Variants in DPYSL2 observed in about 807,000 individuals in gnomAD.
DPYSL2 encodes the protein dihydropyrimidinase like 2, also known as dihydropyrimidinase-related protein 2.
In DPYSL2, 13 loss-of-function variants were observed where a neutral mutation model predicts 69.9. The observed-to-expected ratio is 0.19, with a 90% confidence interval of 0.12 to 0.30. The LOEUF (loss-of-function observed/expected upper bound fraction) is 0.30. Ranked by LOEUF, DPYSL2 falls within the 10% of genes least tolerant of loss-of-function variation. The pLI is 1.00. For synonymous variants in DPYSL2, 326 were observed against 359.1 expected (o/e 0.91, Z 1.04); for missense variants, 587 against 918.9 (o/e 0.64, Z 4.67).
rs991969776 is a variant in DPYSL2, at chr8:26,582,217, T to C, written c.443+160T>C. On this transcript the variant is annotated intron_variant, in intron 2 of 13. Transcript: ENST00000521913. The surrounding 1 kb of genome is among the most constrained non-coding windows in gnomAD (Gnocchi z 4.1). Reference sequence around the variant, plus strand: ...GTTTTGATTGGTGGTAATTAGTGAATTTGAAAACTCAAATTTAGGGAATTC... The same window carrying C: ...GTTTTGATTGGTGGTAATTAGTGAACTTGAAAACTCAAATTTAGGGAATTC... Among the ~76,000 whole-genome samples, 3 of 152,244 alleles carry C rather than the reference T, an allele frequency of 2.0e-5. No homozygotes were observed. The highest frequency in any genetic ancestry group is 4.4e-5 in the Non-Finnish European group (3 of 68,052).
At chr8:26,600,090 T>C (rs768247475) in intron 3 of DPYSL2, among the ~76,000 whole-genome samples, 2 of 152,264 alleles carry the variant, frequency 1.3e-5, no homozygotes, top group Non-Finnish European at 2.9e-5. Flanking sequence ...TATGTATCAA[T>C]ACTTCATGAC....
At chr8:26,592,889 C>T (rs1275737831) in intron 3 of DPYSL2, among the ~76,000 whole-genome samples, 1 of 151,482 alleles carries the variant, frequency 6.6e-6, no homozygotes, top group African/African-American at 2.4e-5. Flanking sequence ...CTGTTTCTCC[C>T]TTTTTTTTTC....
chr8:26,514,578 C>A lies in DPYSL2; in HGVS notation c.253C>A (p.Gln85Lys), dbSNP rs1458254676. Residue 85 changes from glutamine (Q) to lysine (K), a missense_variant, in exon 1 of 14, where the codon CAG (glutamine) becomes AAG (lysine). Coordinates refer to ENST00000521913, the MANE Select transcript of DPYSL2 (RefSeq NM_001197293.3). This position sits in a 1 kb window ranked among gnomAD's most constrained non-coding sequence, Gnocchi z 8.4. ...GGACCCGCAGCCGCCGTACTCGCGGCAGGGCCGGCGCGCCGGCGGAGAGCC... is the reference window on the plus strand; with the variant it reads ...GGACCCGCAGCCGCCGTACTCGCGGAAGGGCCGGCGCGCCGGCGGAGAGCC... ...GPDPQPPYSR[Q>K]GRRAGGEPSV... The A allele has an allele frequency of 1.3e-6, 2 of 1,522,600 alleles. No homozygotes were observed. Among genetic ancestry groups the A allele is most frequent in the Admixed American group, 4.1e-5 (2 of 49,296 alleles). The allele number at this position is 1,522,600 out of a possible 1,614,324, so 94.3% of individuals were successfully genotyped here.
chr8:26,651,694 G>GATAGCTAC (rs1276103770), intron 11 of DPYSL2, among the ~76,000 whole-genome samples: 2 of 152,188 alleles, frequency 1.3e-5, no homozygotes, highest in Non-Finnish European at 2.9e-5. Context: ...AAACCAGAAG[G>GATAGCTAC]ATAGCTACAT....
chr8:26,599,209 C>T (rs1801936905), intron 3 of DPYSL2, among the ~76,000 whole-genome samples: 2 of 152,218 alleles, frequency 1.3e-5, no homozygotes, highest in South Asian at 4.1e-4. Flanking sequence ...GGCATTTGAA[C>T]TGTTTTGTCT....
In DPYSL2 at chr8:26,657,831, G is replaced by T. The variant is rs1406575051; in HGVS notation, c.*2125G>T. On this transcript the variant is annotated 3_prime_UTR_variant, in exon 14 of 14. Coordinates refer to ENST00000521913, the MANE Select transcript of DPYSL2 (RefSeq NM_001197293.3). ...GCTGTGTAAGCATGTTTACCTGTTG[G>T]CTTGCTTTGTGTGTCTGTTAAATGA... The T allele has an allele frequency of 6.6e-6, 1 of 152,546 alleles. No individual in the cohort carries two copies. Among genetic ancestry groups the T allele is most frequent in the Non-Finnish European group, 1.5e-5 (1 of 68,036 alleles). 9.4% of individuals were successfully genotyped at this position (152,546 alleles called of 1,614,324 possible).
rs1801405572 is a variant in DPYSL2, at chr8:26,578,246, A to G, written c.355-3723A>G. ...GCCCTCTTGAAATTAATTTTTTCCC[A>G]GGAGAGAGATGTCTTATCAGGGGAA... On this transcript the variant is annotated intron_variant, in intron 1 of 13. Transcript: ENST00000521913. 4 of 1,614,042 alleles carry G rather than the reference A, an allele frequency of 2.5e-6. No individual in the cohort carries two copies. The East Asian group carries it at 8.9e-5, about 36-fold the overall frequency.
chr8:26,631,549 C>T (rs549062240), intron 7 of DPYSL2, among the ~76,000 whole-genome samples: 1 of 152,318 alleles, frequency 6.6e-6, no homozygotes, highest in East Asian at 1.9e-4. Context: ...ATTGCTATTT[C>T]AACCAGAGAA....
At chr8:26,602,138 A>T (rs866668364) in intron 3 of DPYSL2, among the ~76,000 whole-genome samples, 1,828 of 135,310 alleles carry the variant, frequency 0.014, 42 homozygotes, top group South Asian at 0.061. Context: ...AACAAAGGAA[A>T]TTTTTTTTTT....
chr8:26,578,524 G>A (rs1256768278), intron 1 of DPYSL2: 2 of 1,415,314 alleles, frequency 1.4e-6, no homozygotes, highest in Non-Finnish European at 1.8e-6. Context: ...GTGCACGAAG[G>A]TAGCCTTAGG....
chr8:26,627,802 C>G lies in DPYSL2; in HGVS notation c.937-70C>G. The G allele has an allele frequency of 6.7e-7, 1 of 1,496,168 alleles. No individual in the cohort carries two copies. The highest frequency in any genetic ancestry group is 9.2e-7 in the Non-Finnish European group (1 of 1,087,860). The allele number at this position is 1,496,168 out of a possible 1,614,324, so 92.7% of individuals were successfully genotyped here. On this transcript the variant is annotated intron_variant, in intron 6 of 13. Transcript: ENST00000521913. The surrounding 1 kb of genome is among the most constrained non-coding windows in gnomAD (Gnocchi z 6.9). The stretch of plus-strand genomic sequence containing the variant: ...CATCTTGCCCGGATAACTGCATGCC[C>G]GGGCCTCTGCCATCAGAGCTGTGCA...
intron 3 of DPYSL2, among the ~76,000 whole-genome samples, chr8:26,602,431 C>T (rs1422538836): frequency 3.3e-5 from 5 of 152,060 alleles, no homozygotes; most frequent in Admixed American, 1.3e-4. Flanking sequence ...GATGTAACAG[C>T]GATGAGATGG....
chr8:26,642,614 G>A lies in DPYSL2; in HGVS notation c.1127-825G>A, dbSNP rs997588627. Among the ~76,000 whole-genome samples, 4 of 152,190 alleles carry A rather than the reference G, an allele frequency of 2.6e-5. No homozygotes were observed. Among genetic ancestry groups the A allele is most frequent in the South Asian group, 2.1e-4 (1 of 4,826 alleles). On this transcript the variant is annotated intron_variant, in intron 8 of 13. Transcript: ENST00000521913. The surrounding 1 kb of genome is among the most constrained non-coding windows in gnomAD (Gnocchi z 5.3). ...ATGATGAGGGCCTGATTTAAGGAACGATTGTATTGAAGGCACTAAGGTATT... is the reference window on the plus strand; with the variant it reads ...ATGATGAGGGCCTGATTTAAGGAACAATTGTATTGAAGGCACTAAGGTATT...
chr8:26,654,552 G>A lies in DPYSL2; in HGVS notation c.1943-1063G>A, dbSNP rs1803341887. Among the ~76,000 whole-genome samples the A allele has an allele frequency of 6.6e-6, 1 of 152,052 alleles. No individual in the cohort carries two copies. Among genetic ancestry groups the A allele is most frequent in the South Asian group, 2.1e-4 (1 of 4,812 alleles). On this transcript the variant is annotated intron_variant, in intron 13 of 13. Coordinates refer to ENST00000521913, the MANE Select transcript of DPYSL2 (RefSeq NM_001197293.3). This position sits in a 1 kb window ranked among gnomAD's most constrained non-coding sequence, Gnocchi z 5.0. ...TTGTAAGTAAAACGTGTATAATCAT[G>A]TCTGTGTTTTCTGATCTCTCAAAGC... is the stretch of plus-strand genomic sequence containing the variant.
At chr8:26,568,022 G>A (rs1801179887) in intron 1 of DPYSL2, among the ~76,000 whole-genome samples, 1 of 152,196 alleles carries the variant, frequency 6.6e-6, no homozygotes, top group Non-Finnish European at 1.5e-5. Flanking sequence ...GCCCACAGGA[G>A]TTACACACTG....
At position 26,627,044 on chromosome 8, in the gene DPYSL2, C is replaced by T. The variant is rs1585556873; in HGVS notation, c.856-171C>T. Among the ~76,000 whole-genome samples the T allele has an allele frequency of 6.6e-6, 1 of 152,190 alleles. No individual in the cohort carries two copies. Among genetic ancestry groups the T allele is most frequent in the Admixed American group, 6.5e-5 (1 of 15,276 alleles). Reference sequence around the variant, plus strand: ...TAATTTCTGAGGGGTCTTTCTCCATCAAATGTGGCCAGTAACATTGCCCTC... The same window carrying T: ...TAATTTCTGAGGGGTCTTTCTCCATTAAATGTGGCCAGTAACATTGCCCTC... On this transcript the variant is annotated intron_variant, in intron 5 of 13. Coordinates refer to ENST00000521913, the MANE Select transcript of DPYSL2 (RefSeq NM_001197293.3). The surrounding 1 kb of genome is among the most constrained non-coding windows in gnomAD (Gnocchi z 6.9).
At chr8:26,559,843 C>T (rs1801044913) in intron 1 of DPYSL2, among the ~76,000 whole-genome samples, 1 of 152,162 alleles carries the variant, frequency 6.6e-6, no homozygotes, top group Non-Finnish European at 1.5e-5. Context: ...ACCCCAAGAT[C>T]TTTTATACTC....
intron 7 of DPYSL2, among the ~76,000 whole-genome samples, chr8:26,628,807 G>GA (rs981454704): frequency 3.1e-4 from 47 of 152,334 alleles, no homozygotes; most frequent in African/African-American, 1.1e-3. Flanking sequence ...AGAAGCCTGG[G>GA]AGGGAGGAGC....
rs1563370846 is a variant in DPYSL2 at position 26,514,769 on chromosome 8, C to T, written c.354+90C>T. ...TGAGCCCGGCGCGCCCGCCTTCATG[C>T]CCCGCCCTGGACCTCGCCTCCCGCA... On this transcript the variant is annotated intron_variant, in intron 1 of 13. Coordinates refer to ENST00000521913, the MANE Select transcript of DPYSL2 (RefSeq NM_001197293.3). This position sits in a 1 kb window ranked among gnomAD's most constrained non-coding sequence, Gnocchi z 8.4. 3 of 1,184,452 alleles carry T rather than the reference C, an allele frequency of 2.5e-6. No individual in the cohort carries two copies. The highest frequency in any genetic ancestry group is 2.2e-6 in the Non-Finnish European group (2 of 901,468). 73.4% of individuals were successfully genotyped at this position (1,184,452 alleles called of 1,614,324 possible).
Sources: gnomAD v4.1 joint callset for allele counts (sites outside exome capture counted in the v4.1 genomes callset) on GRCh38, gnomAD v4.1.1 for gene constraint, Gnocchi (gnomAD v3.1) non-coding constraint, MANE v1.5 for transcripts, NCBI Gene and HGNC (gene_info 2026-07-23, HGNC 2026-07-21) for gene names.